INPP4B: variants seen among roughly 807,000 people sequenced by gnomAD.
INPP4B encodes the protein inositol polyphosphate 4-phosphatase type II.
In INPP4B, 55 loss-of-function variants were observed where a neutral mutation model predicts 122.5. The observed-to-expected ratio is 0.45, with a 90% CI of 0.36 to 0.56. INPP4B has a LOEUF of 0.56. Ranked by LOEUF, INPP4B falls within the 20% of genes least tolerant of loss-of-function variation. INPP4B has a pLI of 0.00. For missense variants in INPP4B, 1,000 were observed against 1,097.7 expected, an observed-to-expected ratio of 0.91 and a Z score of 1.26; for synonymous variants, 403 against 388.7, an observed-to-expected ratio of 1.04 and a Z score of -0.43.
intron 16 of INPP4B, among the ~76,000 whole-genome samples, chr4:142,171,325 A>G (rs1561365853): frequency 6.6e-6 from 1 of 151,836 alleles, no homozygotes; most frequent in African/African-American, 2.4e-5. Context: ...AATATGCTAT[A>G]TGGATTAGTC....
intron 2 of INPP4B, among the ~76,000 whole-genome samples, chr4:142,634,887 A>T (rs1748751965): frequency 6.6e-6 from 1 of 152,152 alleles, no homozygotes; most frequent in African/African-American, 2.4e-5. Context: ...TTTGCCAGGA[A>T]TATGGTTGTG....
chr4:142,358,893 G>C (rs1784494593), intron 7 of INPP4B, among the ~76,000 whole-genome samples: 1 of 151,838 alleles, frequency 6.6e-6, no homozygotes, highest in Admixed American at 6.6e-5. Context: ...GTGGTGAGAG[G>C]GCTACTTTAG....
chr4:142,242,514 G>GT (rs1859940538), intron 11 of INPP4B, among the ~76,000 whole-genome samples: 1 of 152,142 alleles, frequency 6.6e-6, no homozygotes, highest in African/African-American at 2.4e-5. Flanking sequence ...TGTTCATTCT[G>GT]TTTCAGTGAG....
chr4:142,341,660 A>G (rs1778740079), intron 7 of INPP4B, among the ~76,000 whole-genome samples: 1 of 152,172 alleles, frequency 6.6e-6, no homozygotes, highest in African/African-American at 2.4e-5. Context: ...TTAAATGGCA[A>G]AGGTGATAGG....
chr4:142,646,158 C>A (rs555293409), intron 2 of INPP4B, among the ~76,000 whole-genome samples: 67 of 152,208 alleles, frequency 4.4e-4, no homozygotes, highest in African/African-American at 1.6e-3. Flanking sequence ...ATCAAAACCA[C>A]TGGATGGTAT....
chr4:142,297,615 C>T (rs746715645), intron 9 of INPP4B, among the ~76,000 whole-genome samples: 9 of 152,292 alleles, frequency 5.9e-5, no homozygotes, highest in Non-Finnish European at 1.3e-4. Flanking sequence ...TTCCTGAGGC[C>T]TCACTAGAGA....
chr4:142,073,287 C>T (rs28635783), intron 25 of INPP4B, among the ~76,000 whole-genome samples: 3,782 of 152,236 alleles, frequency 0.025, 176 homozygotes, highest in African/African-American at 0.087. Flanking sequence ...CTTTAGGCCA[C>T]TATCGTTTGA....
At position 142,254,315 on chromosome 4, in the gene INPP4B, ATG is replaced by A. The variant is rs1302513216; in HGVS notation, c.688+6175_688+6176del. Reference sequence around the variant, plus strand: ...AGAGCGCCTCTCCTCCTCCAAAGGAATGCAGTTCCTCACCAGCAACGGAACAA... The same window carrying A: ...AGAGCGCCTCTCCTCCTCCAAAGGAACAGTTCCTCACCAGCAACGGAACAA... On this transcript the variant is annotated intron_variant, in intron 11 of 25. Transcript: ENST00000262992. Among the ~76,000 whole-genome samples, 6 of 132,730 alleles carry A rather than the reference ATG, an allele frequency of 4.5e-5. No homozygotes were observed. The East Asian group carries it at 9.8e-4, about 22-fold the overall frequency. 87.1% of individuals were successfully genotyped at this position (132,730 alleles called of 152,430 possible).
chr4:142,620,430 A>G (rs1434154180), intron 2 of INPP4B, among the ~76,000 whole-genome samples: 1 of 151,982 alleles, frequency 6.6e-6, no homozygotes, highest in African/African-American at 2.4e-5. Flanking sequence ...GCATGCTCTC[A>G]CTTATAAATG....
chr4:142,123,230 T>C, intron 20 of INPP4B, 62 bp downstream of exon 20: 1 of 1,356,762 alleles, frequency 7.4e-7, no homozygotes, highest in Non-Finnish European at 9.9e-7. Context: ...TTGAAAAATT[T>C]CTGGATTAAA....
intron 19 of INPP4B, among the ~76,000 whole-genome samples, chr4:142,124,214 CAGATCCCCTTTGCCAAGTCCT>C (rs1292040079): frequency 1.3e-5 from 2 of 152,164 alleles, no homozygotes; most frequent in African/African-American, 2.4e-5. Context: ...CGACTGCAAA[CAGATCCCCTTTGCCAAGTCCT>C]AGCTTGTCAC....
intron 1 of INPP4B, among the ~76,000 whole-genome samples, chr4:142,764,842 G>C (rs1013789226): frequency 6.6e-6 from 1 of 151,986 alleles, no homozygotes; most frequent in Non-Finnish European, 1.5e-5. Flanking sequence ...GTTAAGGCTA[G>C]ACCATCGAGG....
At chr4:142,429,747 G>A (rs1012065309) in intron 4 of INPP4B, among the ~76,000 whole-genome samples, 6 of 152,002 alleles carry the variant, frequency 3.9e-5, no homozygotes, top group African/African-American at 1.5e-4. Flanking sequence ...CATTCCTTTG[G>A]TCAGCAATGT....
At chr4:142,745,539 C>T (rs1206188866) in intron 1 of INPP4B, among the ~76,000 whole-genome samples, 1 of 151,804 alleles carries the variant, frequency 6.6e-6, no homozygotes, top group Non-Finnish European at 1.5e-5. Flanking sequence ...GTTTGCAAAA[C>T]CTAACATATT....
chr4:142,133,654 A>G (rs1802447693), intron 18 of INPP4B, among the ~76,000 whole-genome samples: 2 of 152,078 alleles, frequency 1.3e-5, no homozygotes, highest in South Asian at 4.2e-4. Context: ...TCCTTCCCCT[A>G]AGTTACCTGT....
chr4:142,206,757 TCTTA>T (rs920482270), intron 14 of INPP4B, among the ~76,000 whole-genome samples: 1 of 152,006 alleles, frequency 6.6e-6, no homozygotes, highest in African/African-American at 2.4e-5. Flanking sequence ...AAAAGTTTCG[TCTTA>T]CTCTCTTTAA....
At chr4:142,030,060 C>A in intron 25 of INPP4B, 1 of 1,388,992 alleles carries the variant, frequency 7.2e-7, no homozygotes, top group South Asian at 1.8e-5. Flanking sequence ...AAAAATATTA[C>A]AGCATTGTCC....
intron 7 of INPP4B, among the ~76,000 whole-genome samples, chr4:142,397,131 A>C (rs1463380245): frequency 6.6e-6 from 1 of 152,202 alleles, no homozygotes; most frequent in Non-Finnish European, 1.5e-5. Context: ...ACTTATCAAC[A>C]AGGAAAGTGA....
intron 9 of INPP4B, among the ~76,000 whole-genome samples, chr4:142,286,748 TA>T: frequency 6.6e-6 from 1 of 152,140 alleles, no homozygotes. Context: ...TATCCAAGAG[TA>T]GAAGAAATCA....
Sources: allele counts gnomAD v4.1 joint callset (sites outside exome capture counted in the v4.1 genomes callset), GRCh38; gene constraint gnomAD v4.1.1; transcripts MANE v1.5; gene names NCBI Gene and HGNC (gene_info 2026-07-23, HGNC 2026-07-21).